SRGAP2B: variants seen among roughly 807,000 people sequenced by gnomAD.
The protein encoded by SRGAP2B is SLIT-ROBO Rho GTPase activating protein 2B, also known as SLIT-ROBO Rho GTPase-activating protein 2B.
In SRGAP2B, 9 loss-of-function variants were observed where a neutral mutation model predicts 22.2. The observed-to-expected ratio is 0.41, with a 90% CI of 0.24 to 0.71. The LOEUF is 0.71. Among genes scored for constraint, SRGAP2B ranks in the 30% least tolerant of loss-of-function variants. The probability of loss-of-function intolerance (pLI) is 0.35; values close to 1 mark genes in which losing one functional copy is unlikely to be tolerated. For synonymous variants in SRGAP2B, 36 were observed against 87.4 expected (o/e 0.41, Z 3.28); for missense variants, 114 against 235.8 (o/e 0.48, Z 3.38).
At chr1:145,089,061 G>A (rs1553635926) in intron 2 of SRGAP2B, among the ~76,000 whole-genome samples, 1 of 151,322 alleles carries the variant, frequency 6.6e-6, no homozygotes, top group Non-Finnish European at 1.5e-5. Flanking sequence ...ACAGAAGGAT[G>A]TGTGTACATA....
chr1:144,961,340 C>T (rs1175230028), intron 3 of SRGAP2B, among the ~76,000 whole-genome samples: 1 of 151,686 alleles, frequency 6.6e-6, no homozygotes, highest in Admixed American at 6.6e-5. Flanking sequence ...GATGCTTCAG[C>T]AACTTATACT....
At chr1:145,044,852 G>A (rs1369813569) in intron 2 of SRGAP2B, among the ~76,000 whole-genome samples, 1 of 148,222 alleles carries the variant, frequency 6.7e-6, no homozygotes, top group Non-Finnish European at 1.5e-5. Flanking sequence ...AAGTTGCAGA[G>A]GTATCATGTT....
At chr1:144,943,899 T>C (rs1261349929) in intron 4 of SRGAP2B, among the ~76,000 whole-genome samples, 1 of 150,610 alleles carries the variant, frequency 6.6e-6, no homozygotes, top group Non-Finnish European at 1.5e-5. Context: ...TAGTTGGTCG[T>C]CTTAGGTGCT....
chr1:145,044,539 A>C (rs1649523666), intron 2 of SRGAP2B, among the ~76,000 whole-genome samples: 1 of 145,896 alleles, frequency 6.9e-6, no homozygotes, highest in Non-Finnish European at 1.5e-5. Flanking sequence ...AGGGAGATTG[A>C]AGTAGATGAA....
At chr1:145,067,332 CAA>C (rs1651618964) in intron 2 of SRGAP2B, among the ~76,000 whole-genome samples, 1 of 148,426 alleles carries the variant, frequency 6.7e-6, no homozygotes, top group South Asian at 2.1e-4. Context: ...TCAGAGAAGC[CAA>C]GAGTTCAAGG....
intron 5 of SRGAP2B, among the ~76,000 whole-genome samples, chr1:144,908,157 A>G (rs1365572613): frequency 6.8e-6 from 1 of 147,962 alleles, no homozygotes; most frequent in African/African-American, 2.6e-5. Context: ...TTCCACCTGA[A>G]TCTGACCATG....
In SRGAP2B at chr1:144,920,979, A is replaced by G. The variant is rs782102213; in HGVS notation, c.424-6225T>C. ...GGCTGGATTTTAGGGAGTAAGCAAT[A>G]AAGAGTCCATCAGCAAATATTTATA... On this transcript the variant is annotated intron_variant, in intron 4 of 9. Transcript: ENST00000612199. 1.7e-4 allele frequency among the ~76,000 whole-genome samples: 25 copies of G among 149,580 alleles called. 1 individual carries two copies. In the East Asian group the frequency reaches 3.1e-3, roughly 19 times the overall value.
intron 3 of SRGAP2B, among the ~76,000 whole-genome samples, chr1:144,963,051 T>C (rs1252815756): frequency 2.0e-5 from 3 of 151,106 alleles, no homozygotes; most frequent in Non-Finnish European, 4.4e-5. Flanking sequence ...AAACCCTGAT[T>C]TGGCTGACTT....
chr1:144,950,276 T>A (rs1553609149), intron 4 of SRGAP2B, among the ~76,000 whole-genome samples: 2 of 141,218 alleles, frequency 1.4e-5, no homozygotes, highest in Admixed American at 7.3e-5. Context: ...TCTCCAGATG[T>A]TATATTTAGC....
chr1:144,989,066 G>T (rs1553616522), intron 3 of SRGAP2B, among the ~76,000 whole-genome samples: 1 of 108,128 alleles, frequency 9.2e-6, no homozygotes, highest in African/African-American at 4.1e-5. Flanking sequence ...CCTTCATCCT[G>T]GCCTTCTGTT....
At chr1:145,015,506 C>A (rs1394403377) in intron 2 of SRGAP2B, among the ~76,000 whole-genome samples, 1 of 136,110 alleles carries the variant, frequency 7.3e-6, no homozygotes, top group Non-Finnish European at 1.6e-5. Flanking sequence ...CCAGAGAAGA[C>A]AGACTACCAT....
chr1:144,965,677 C>T (rs1553612119), intron 3 of SRGAP2B, among the ~76,000 whole-genome samples: 2 of 123,366 alleles, frequency 1.6e-5, no homozygotes, highest in South Asian at 2.5e-4. Flanking sequence ...AGGCTTCAGA[C>T]GATCAAATTA....
At chr1:144,941,084 T>G (rs1159698883) in intron 4 of SRGAP2B, among the ~76,000 whole-genome samples, 3 of 147,890 alleles carry the variant, frequency 2.0e-5, no homozygotes, top group Non-Finnish European at 4.5e-5. Context: ...TATTTTCTTT[T>G]TATTATGTTT....
chr1:144,906,194 A>G, intron 5 of SRGAP2B, 120 bp from the exon 6 acceptor site: 1 of 609,336 alleles, frequency 1.6e-6, no homozygotes, highest in East Asian at 2.8e-5. Context: ...TCACACCCCT[A>G]AGGGAAAAAT....
intron 3 of SRGAP2B, among the ~76,000 whole-genome samples, chr1:144,970,291 T>C (rs1333279390): frequency 1.1e-5 from 1 of 93,114 alleles, no homozygotes; most frequent in Non-Finnish European, 2.1e-5. Context: ...ATGTGGCACA[T>C]ATACACCATG....
intron 3 of SRGAP2B, among the ~76,000 whole-genome samples, chr1:144,985,481 G>A (rs1186069533): frequency 6.6e-6 from 1 of 150,880 alleles, no homozygotes; most frequent in African/African-American, 2.5e-5. Context: ...ATGACTGAAA[G>A]GTAATTTACA....
At chr1:144,944,884 T>C (rs1249305900) in intron 4 of SRGAP2B, among the ~76,000 whole-genome samples, 12 of 148,924 alleles carry the variant, frequency 8.1e-5, no homozygotes, top group African/African-American at 2.8e-4. Flanking sequence ...CTCGGCCTCC[T>C]GAGCAGCTGG....
intron 2 of SRGAP2B, among the ~76,000 whole-genome samples, chr1:145,007,562 G>A (rs1427069411): frequency 4.0e-5 from 6 of 150,582 alleles, no homozygotes; most frequent in Admixed American, 6.6e-5. Flanking sequence ...TGGAGAGGCC[G>A]CAGAGAAAAT....
intron 3 of SRGAP2B, among the ~76,000 whole-genome samples, chr1:144,986,994 C>T (rs1165690678): frequency 6.6e-6 from 1 of 151,004 alleles, no homozygotes; most frequent in East Asian, 1.9e-4. Flanking sequence ...ACAACTTCTC[C>T]ATTGTCTCAA....
Sources: gnomAD v4.1 joint callset for allele counts (sites outside exome capture counted in the v4.1 genomes callset) on GRCh38, gnomAD v4.1.1 for gene constraint, MANE v1.5 for transcripts, NCBI Gene and HGNC (gene_info 2026-07-23, HGNC 2026-07-21) for gene names.